DEUP1: variants seen among roughly 807,000 people sequenced by gnomAD.
DEUP1 encodes the protein deuterosome assembly protein 1.
A neutral mutation model predicts 87.4 loss-of-function variants in DEUP1; 82 were observed. That is an observed-to-expected ratio of 0.94 (90% CI 0.78 to 1.13). The LOEUF (loss-of-function observed/expected upper bound fraction) is 1.13, where lower values mean the gene tolerates loss of function less well. Ranked by LOEUF, DEUP1 falls within the 50% of genes most tolerant of loss-of-function variation. The probability of loss-of-function intolerance (pLI) is 0.00; values close to 1 mark genes in which losing one functional copy is unlikely to be tolerated. For missense variants in DEUP1, 663 were observed against 681.5 expected, an observed-to-expected ratio of 0.97 and a Z score of 0.30; for synonymous variants, 214 against 222.7, an observed-to-expected ratio of 0.96 and a Z score of 0.35.
At position 93,356,953 on chromosome 11, in the gene DEUP1, G is replaced by T; in HGVS notation, c.207G>T (p.Gly69=). 1 of 1,590,298 alleles carries T rather than the reference G, an allele frequency of 6.3e-7. No homozygotes were observed. Among genetic ancestry groups the T allele is most frequent in the South Asian group, 1.2e-5 (1 of 85,292 alleles). ...TCLDQKGQEV[G]LLRQKLDSLE... ...AAATTTTATTCTTCATGCAGGTAGG[G>T]TTACTTCGACAGAAATTGGACAGTC... The change falls in exon 4 of 14, where the codon GGG becomes GGT. Residue 69 remains glycine, a synonymous_variant. Transcript: ENST00000298050.
intron 3 of DEUP1, among the ~76,000 whole-genome samples, chr11:93,356,311 T>C (rs1944891701): frequency 6.6e-6 from 1 of 152,226 alleles, no homozygotes; most frequent in Non-Finnish European, 1.5e-5. Flanking sequence ...TATATTATTG[T>C]TTGGCATAGG....
At chr11:93,409,562 A>C (rs953233064) in intron 12 of DEUP1, among the ~76,000 whole-genome samples, 11 of 152,160 alleles carry the variant, frequency 7.2e-5, no homozygotes, top group African/African-American at 2.4e-4. Context: ...ATTTGATATC[A>C]ATTTATTATT....
intron 2 of DEUP1, among the ~76,000 whole-genome samples, chr11:93,340,437 T>C (rs116751264): frequency 2.7e-3 from 410 of 152,228 alleles, no homozygotes; most frequent in African/African-American, 9.5e-3. Context: ...GAAAGGCAAA[T>C]AGGGCCAAGT....
intron 13 of DEUP1, among the ~76,000 whole-genome samples, chr11:93,418,367 C>T (rs1404425105): frequency 7.9e-5 from 12 of 151,974 alleles, no homozygotes; most frequent in South Asian, 4.2e-4. Context: ...AAAAAGTGGG[C>T]GAAGGACATG....
chr11:93,343,362 T>A (rs1248514678), intron 2 of DEUP1, among the ~76,000 whole-genome samples: 1 of 152,158 alleles, frequency 6.6e-6, no homozygotes, highest in Non-Finnish European at 1.5e-5. Flanking sequence ...AACTTAATTG[T>A]CCTAGAGACT....
At chr11:93,402,133 A>G (rs1947137727) in intron 11 of DEUP1, among the ~76,000 whole-genome samples, 1 of 151,952 alleles carries the variant, frequency 6.6e-6, no homozygotes, top group African/African-American at 2.4e-5. Context: ...TAACCAAAAT[A>G]TATAAGGAGC....
chr11:93,384,946 A>G (rs1453054197), intron 7 of DEUP1, among the ~76,000 whole-genome samples: 6 of 152,200 alleles, frequency 3.9e-5, no homozygotes, highest in African/African-American at 1.4e-4. Context: ...GAAGGAGGCC[A>G]GGCGCAGTGG....
Position 93,370,138 on chromosome 11 carries a change from T to C in DEUP1, c.498T>C (p.Ser166=). The C allele has an allele frequency of 6.2e-7, 1 of 1,606,048 alleles. No homozygotes were observed. The highest frequency in any genetic ancestry group is 8.5e-7 in the Non-Finnish European group (1 of 1,174,540). The change falls in exon 6 of 14, where the codon TCT becomes TCC. Residue 166 remains serine (S), a synonymous_variant. Transcript: ENST00000298050. The stretch of plus-strand genomic sequence containing the variant: ...TATTATATCAGACTCATCTGATTTC[T>C]TTAGATGCTCAACAAAAATTATTAT... ...QEILYQTHLI[S]LDAQQKLLSE... is the part of the protein sequence containing the mutation.
In DEUP1 at chr11:93,347,093, GT is replaced by G. The variant is rs1565295781; in HGVS notation, c.30-8277del. Among the ~76,000 whole-genome samples the G allele has an allele frequency of 2.0e-5, 3 of 152,162 alleles. No homozygotes were observed. In the South Asian group the frequency reaches 6.2e-4, roughly 31 times the overall value. On this transcript the variant is annotated intron_variant, in intron 2 of 13. Coordinates refer to ENST00000298050, the MANE Select transcript of DEUP1 (RefSeq NM_181645.4). ...TCCAATACTATGTTGAATAGGAGTG[GT>G]GGGAGAGGGCATCCTTGTCTTGTGT...
Position 93,431,055 on chromosome 11 carries a change from C to T in DEUP1, c.1639-6488C>T, listed in dbSNP as rs570408979. On this transcript the variant is annotated intron_variant, in intron 13 of 13. Transcript: ENST00000298050. ...AGGTTGCAGTGAGCCGAGATAGGAT[C>T]ACTGCACTCCAGCCTGGGCAACAGA... Among the ~76,000 whole-genome samples the T allele has an allele frequency of 3.7e-5, 5 of 136,860 alleles. No individual in the cohort carries two copies. The East Asian group carries it at 1.1e-3, about 30-fold the overall frequency. The allele number at this position is 136,860 out of a possible 152,430, so 89.8% of individuals were successfully genotyped here.
At chr11:93,419,567 A>G (rs1000095535) in intron 13 of DEUP1, among the ~76,000 whole-genome samples, 3 of 152,120 alleles carry the variant, frequency 2.0e-5, no homozygotes, top group African/African-American at 7.2e-5. Context: ...ACCACCAACT[A>G]TGAGTTGCAT....
intron 11 of DEUP1, among the ~76,000 whole-genome samples, chr11:93,397,154 A>C (rs1157047259): frequency 6.6e-6 from 1 of 152,226 alleles, no homozygotes; most frequent in African/African-American, 2.4e-5. Context: ...CCTTAGCTAT[A>C]AAATGAGGGA....
intron 2 of DEUP1, among the ~76,000 whole-genome samples, chr11:93,336,370 T>G (rs1943765959): frequency 6.6e-6 from 1 of 150,906 alleles, no homozygotes; most frequent in Admixed American, 6.6e-5. Flanking sequence ...GAATTACAAT[T>G]CGACATGAGA....
At chr11:93,387,337 C>T (rs892423740) in intron 8 of DEUP1, among the ~76,000 whole-genome samples, 2 of 152,100 alleles carry the variant, frequency 1.3e-5, no homozygotes. Context: ...TGAAATACCC[C>T]AGACTACTGA....
chr11:93,418,672 C>T (rs1947739258), intron 13 of DEUP1, among the ~76,000 whole-genome samples: 1 of 151,922 alleles, frequency 6.6e-6, no homozygotes, highest in Non-Finnish European at 1.5e-5. Context: ...CCCAGCCATC[C>T]CATTCCTGGG....
At chr11:93,372,121 G>T (rs971296359) in intron 7 of DEUP1, among the ~76,000 whole-genome samples, 1 of 151,520 alleles carries the variant, frequency 6.6e-6, no homozygotes, top group Middle Eastern at 3.2e-3. Context: ...GTAGAGACGG[G>T]GTTTCACCGT....
chr11:93,383,235 T>C (rs910972926), intron 7 of DEUP1, among the ~76,000 whole-genome samples: 1 of 152,190 alleles, frequency 6.6e-6, no homozygotes, highest in African/African-American at 2.4e-5. Context: ...AACTGATGAA[T>C]AGATAAACAA....
At chr11:93,430,849 A>C (rs1555066888) in intron 13 of DEUP1, among the ~76,000 whole-genome samples, 1 of 152,208 alleles carries the variant, frequency 6.6e-6, no homozygotes, top group South Asian at 2.1e-4. Flanking sequence ...TAATCCCAGC[A>C]CTTTGGGAAG....
intron 11 of DEUP1, among the ~76,000 whole-genome samples, chr11:93,398,038 C>T (rs185172158): frequency 6.6e-6 from 1 of 151,840 alleles, no homozygotes; most frequent in Non-Finnish European, 1.5e-5. Context: ...CGCATTATAC[C>T]CCCTCCTCTA....
Sources: allele counts gnomAD v4.1 joint callset (sites outside exome capture counted in the v4.1 genomes callset), GRCh38; gene constraint gnomAD v4.1.1; transcripts MANE v1.5; gene names NCBI Gene and HGNC (gene_info 2026-07-23, HGNC 2026-07-21).